The following ZC3H3 variants were observed in gnomAD, a reference collection of about 807,000 sequenced individuals.
The protein encoded by ZC3H3 is zinc finger CCCH-type containing 3.
ZC3H3 carries 36 observed loss-of-function variants against 77.3 expected under a neutral mutation model. That is an observed-to-expected ratio of 0.47 (90% CI 0.36 to 0.61). The LOEUF (loss-of-function observed/expected upper bound fraction) is 0.61, where lower values mean the gene tolerates loss of function less well. Among genes scored for constraint, ZC3H3 ranks in the 20% least tolerant of loss-of-function variants. The pLI, the probability that ZC3H3 is intolerant of heterozygous loss-of-function variation, is 0.00. For missense variants in ZC3H3, 1,331 were observed against 1,312.2 expected (o/e 1.01, Z -0.22); for synonymous variants, 626 against 555.2 (o/e 1.13, Z -1.79).
chr8:143,509,179 C>T (rs1189060398), intron 3 of ZC3H3, among the ~76,000 whole-genome samples: 1 of 152,224 alleles, frequency 6.6e-6, no homozygotes, highest in Non-Finnish European at 1.5e-5. Flanking sequence ...ACATCAAAGC[C>T]TTCCCCAGAG....
chr8:143,537,885 G>T, intron 2 of ZC3H3, 118 bp downstream of exon 2: 1 of 1,107,250 alleles, frequency 9.0e-7, no homozygotes, highest in Non-Finnish European at 1.3e-6. Context: ...CTCATTTCTT[G>T]CTGGAAATGT....
At chr8:143,445,139 T>C (rs1305170945) in intron 9 of ZC3H3, among the ~76,000 whole-genome samples, 1 of 152,160 alleles carries the variant, frequency 6.6e-6, no homozygotes, top group Non-Finnish European at 1.5e-5. Flanking sequence ...CCCAACACTT[T>C]GGGAAGCCAA....
chr8:143,536,471 A>G lies in ZC3H3; in HGVS notation c.1365-18T>C. On this transcript the variant is annotated intron_variant, in intron 2 of 11. Transcript: ENST00000262577. ...CAGGAAGGCTGTGGAGACAAAATAC[A>G]GGCAGCTCTCAACAAGCCCTGGGGG... 1 of 1,479,600 alleles carries G rather than the reference A, an allele frequency of 6.8e-7. No homozygotes were observed. The highest frequency in any genetic ancestry group is 9.0e-7 in the Non-Finnish European group (1 of 1,109,980). The allele number at this position is 1,479,600 out of a possible 1,614,324, so 91.7% of individuals were successfully genotyped here. A position where few individuals can be genotyped will look rare whatever the true frequency, so the allele number is the denominator to read the frequency against.
intron 4 of ZC3H3, among the ~76,000 whole-genome samples, chr8:143,491,479 C>A (rs1379247606): frequency 6.6e-6 from 1 of 152,370 alleles, no homozygotes; most frequent in South Asian, 2.1e-4. Flanking sequence ...AGGCTCACAC[C>A]CGTATGACCC....
chr8:143,538,640 G>C lies in ZC3H3; in HGVS notation c.727C>G (p.Leu243Val), dbSNP rs10081594. The change falls in exon 2 of 12, where the codon CTG (leucine) becomes GTG (valine). Residue 243 changes from leucine to valine, a missense_variant. By Grantham distance (32) the Leu-to-Val change is conservative. Around this residue, in one of 3 missense-constraint regions of ZC3H3, gnomAD observed 978 missense variants for 915.5 expected, o/e 1.07. Coordinates refer to ENST00000262577, the MANE Select transcript of ZC3H3 (RefSeq NM_015117.3). ...GAATGAGAACCCAGCTTCCGGCCCAGGGCCACGCCAGTGCGTGGGGGCAGA... is the reference window on the plus strand; with the variant it reads ...GAATGAGAACCCAGCTTCCGGCCCACGGCCACGCCAGTGCGTGGGGGCAGA... ...SALPPRTGVA[L>V]GRKLGSHSVA... is the part of the protein sequence containing the mutation. 8,117 of 1,608,902 alleles carry C rather than the reference G, an allele frequency of 5.0e-3. 285 individuals are homozygous for C. The African/African-American group carries it at 0.078, about 16-fold the overall frequency.
chr8:143,456,500 A>G (rs1276358781), intron 9 of ZC3H3, among the ~76,000 whole-genome samples: 1 of 152,234 alleles, frequency 6.6e-6, no homozygotes, highest in African/African-American at 2.4e-5. Context: ...AGGCGTGGCT[A>G]TATTAATATC....
At position 143,494,993 on chromosome 8, in the gene ZC3H3, C is replaced by A. The variant is rs951314968; in HGVS notation, c.1715+12753G>T. ...GATTAGAAAGGCGGTAACACCACGTCTGAGGGGAACAGAAAGGGTCGCGGC... is the reference window on the plus strand; with the variant it reads ...GATTAGAAAGGCGGTAACACCACGTATGAGGGGAACAGAAAGGGTCGCGGC... On this transcript the variant is annotated intron_variant, in intron 4 of 11. Coordinates refer to ENST00000262577, the MANE Select transcript of ZC3H3 (RefSeq NM_015117.3). The surrounding 1 kb of genome is among the most constrained non-coding windows in gnomAD (Gnocchi z 5.3). Among the ~76,000 whole-genome samples, 4 of 152,188 alleles carry A rather than the reference C, an allele frequency of 2.6e-5. No individual in the cohort carries two copies. The East Asian group carries it at 7.7e-4, about 29-fold the overall frequency.
At chr8:143,465,610 AGGGCTGCAGAT>A in intron 9 of ZC3H3, 96 bp downstream of exon 9, 1 of 1,526,072 alleles carries the variant, frequency 6.6e-7, no homozygotes, top group Non-Finnish European at 8.9e-7. Flanking sequence ...TGACCACCTC[AGGGCTGCAGAT>A]GGGTCATCCA....
intron 3 of ZC3H3, among the ~76,000 whole-genome samples, chr8:143,508,776 C>T (rs1821788085): frequency 6.6e-6 from 1 of 151,990 alleles, no homozygotes; most frequent in South Asian, 2.1e-4. Flanking sequence ...CCAGCCCAGC[C>T]CAGGGGACCT....
chr8:143,499,980 C>A (rs1293443489), intron 4 of ZC3H3, among the ~76,000 whole-genome samples: 3 of 152,206 alleles, frequency 2.0e-5, no homozygotes, highest in Non-Finnish European at 4.4e-5. Flanking sequence ...CCTGGCCCCC[C>A]ACCAGAGCAG....
intron 4 of ZC3H3, among the ~76,000 whole-genome samples, chr8:143,486,237 A>C (rs1432745027): frequency 6.6e-6 from 1 of 152,252 alleles, no homozygotes; most frequent in Non-Finnish European, 1.5e-5. Flanking sequence ...CAGGCGCGGC[A>C]ATGTAGCGGA....
chr8:143,466,543 C>G (rs1216239572), intron 8 of ZC3H3, among the ~76,000 whole-genome samples: 2 of 152,236 alleles, frequency 1.3e-5, no homozygotes, highest in African/African-American at 2.4e-5. Context: ...TTGGGGGAAC[C>G]TCAGGCCTAA....
chr8:143,455,258 G>A (rs1235609868), intron 9 of ZC3H3, among the ~76,000 whole-genome samples: 1 of 152,192 alleles, frequency 6.6e-6, no homozygotes, highest in Admixed American at 6.5e-5. Flanking sequence ...AGGGTGCAGT[G>A]AGCCAAGATT....
At chr8:143,483,361 G>A (rs1019472243) in intron 4 of ZC3H3, among the ~76,000 whole-genome samples, 1 of 152,236 alleles carries the variant, frequency 6.6e-6, no homozygotes, top group Non-Finnish European at 1.5e-5. Flanking sequence ...CTGAGCCACT[G>A]CGGCCCCCGA....
chr8:143,508,688 G>C (rs1198243708), intron 3 of ZC3H3, among the ~76,000 whole-genome samples: 1 of 152,062 alleles, frequency 6.6e-6, no homozygotes, highest in African/African-American at 2.4e-5. Context: ...TTCCCTGGCA[G>C]CCCAAGGCTC....
At chr8:143,507,309 T>C (rs1465264734) in intron 4 of ZC3H3, among the ~76,000 whole-genome samples, 1 of 152,188 alleles carries the variant, frequency 6.6e-6, no homozygotes, top group African/African-American at 2.4e-5. Flanking sequence ...GTAGCTCACA[T>C]CACCGCCTTG....
At chr8:143,482,080 A>T (rs747404776) in intron 4 of ZC3H3, among the ~76,000 whole-genome samples, 1 of 152,266 alleles carries the variant, frequency 6.6e-6, no homozygotes, top group Non-Finnish European at 1.5e-5. Context: ...CAAGATGACC[A>T]GGTTAGAAAG....
intron 9 of ZC3H3, among the ~76,000 whole-genome samples, chr8:143,452,591 C>T (rs1477716426): frequency 6.6e-6 from 1 of 152,172 alleles, no homozygotes; most frequent in African/African-American, 2.4e-5. Flanking sequence ...GCAATACAAA[C>T]ATGCTGGAAA....
chr8:143,456,660 G>A (rs570381112), intron 9 of ZC3H3, among the ~76,000 whole-genome samples: 1 of 152,170 alleles, frequency 6.6e-6, no homozygotes, highest in Admixed American at 6.5e-5. Context: ...GAGGCCAGGA[G>A]TTGAAGACTA....
Sources: gnomAD v4.1 joint callset for allele counts (sites outside exome capture counted in the v4.1 genomes callset) on GRCh38, gnomAD v4.1.1 for gene constraint, gnomAD v4.1.1 regional missense constraint, Gnocchi (gnomAD v3.1) non-coding constraint, MANE v1.5 for transcripts, NCBI Gene and HGNC (gene_info 2026-07-23, HGNC 2026-07-21) for gene names.